Variants in B3GNT5 observed in about 807,000 individuals in gnomAD.
B3GNT5 encodes the protein lactosylceramide 1,3-N-acetyl-beta-D-glucosaminyltransferase.
A neutral mutation model predicts 25.9 loss-of-function variants in B3GNT5; 11 were observed. That is an observed-to-expected ratio of 0.42 (90% confidence interval 0.27 to 0.70). The LOEUF is 0.70. Among genes scored for constraint, B3GNT5 ranks in the 30% least tolerant of loss-of-function variants. The pLI is 0.23. For synonymous variants in B3GNT5, 166 were observed against 158.6 expected (o/e 1.05, Z -0.35); for missense variants, 385 against 458.4 (o/e 0.84, Z 1.46).
rs1015209733 is a variant in B3GNT5 at position 183,271,625 on chromosome 3, A to G, written c.*690A>G. On this transcript the variant is annotated 3_prime_UTR_variant, in exon 2 of 2. Transcript: ENST00000326505. ...TGCCCTAATACTTTATATGTTTTTA[A>G]TGGATTTTTTTTTAAGTATTAGAAA... The G allele has an allele frequency of 2.4e-5, 4 of 166,954 alleles. No homozygotes were observed. In the Admixed American group the frequency reaches 2.6e-4, roughly 11 times the overall value. 10.3% of individuals were successfully genotyped at this position (166,954 alleles called of 1,614,324 possible).
At chr3:183,255,892 T>A (rs1458397282) in intron 1 of B3GNT5, among the ~76,000 whole-genome samples, 1 of 151,928 alleles carries the variant, frequency 6.6e-6, no homozygotes, top group African/African-American at 2.4e-5. Context: ...TTGAAATGGG[T>A]CATCTTTTAA....
At chr3:183,262,998 G>A (rs760730451) in intron 1 of B3GNT5, among the ~76,000 whole-genome samples, 1 of 152,048 alleles carries the variant, frequency 6.6e-6, no homozygotes, top group Non-Finnish European at 1.5e-5. Context: ...AAACGGGGGA[G>A]GTGTGTGAGG....
rs563515635 is a variant in B3GNT5 at position 183,271,685 on chromosome 3, G to T, written c.*750G>T. On this transcript the variant is annotated 3_prime_UTR_variant, in exon 2 of 2. Coordinates refer to ENST00000326505, the MANE Select transcript of B3GNT5 (RefSeq NM_032047.5). ...AACACGGGCAGCTGGTTGCTCATAG[G>T]GTCCTTCTCTAGGGAGAAACCATTG... is the stretch of plus-strand genomic sequence containing the variant. The T allele has an allele frequency of 6.0e-6, 1 of 166,948 alleles. No individual in the cohort carries two copies. The highest frequency in any genetic ancestry group is 1.9e-4 in the East Asian group (1 of 5,186). The allele number at this position is 166,948 out of a possible 1,614,324, so 10.3% of individuals were successfully genotyped here. A position where few individuals can be genotyped will look rare whatever the true frequency, so the allele number is the denominator to read the frequency against.
At chr3:183,261,163 A>G (rs188904753) in intron 1 of B3GNT5, among the ~76,000 whole-genome samples, 74 of 152,374 alleles carry the variant, frequency 4.9e-4, no homozygotes, top group Admixed American at 5.2e-4. Context: ...TATATTTCTT[A>G]ACACCGATTA....
chr3:183,264,098 C>T (rs1725873687), intron 1 of B3GNT5, among the ~76,000 whole-genome samples: 1 of 152,172 alleles, frequency 6.6e-6, no homozygotes, highest in African/African-American at 2.4e-5. Context: ...GTTACTATAA[C>T]AAACAAAACC....
In B3GNT5 at chr3:183,272,053, T is replaced by C. The variant is rs1726825777; in HGVS notation, c.*1118T>C. On this transcript the variant is annotated 3_prime_UTR_variant, in exon 2 of 2. Transcript: ENST00000326505. ...AAACAATTTATTTTTCATCAATAAC[T>C]GTCAGAGGTGATCTTTATTTTCTAA... 1.7e-6 allele frequency: 1 copy of C among 600,308 alleles called. No individual in the cohort carries two copies. Among genetic ancestry groups the C allele is most frequent in the Non-Finnish European group, 2.2e-6 (1 of 464,810 alleles). 37.2% of individuals were successfully genotyped at this position (600,308 alleles called of 1,614,324 possible).
chr3:183,259,781 C>T (rs1274218741), intron 1 of B3GNT5, among the ~76,000 whole-genome samples: 4 of 152,118 alleles, frequency 2.6e-5, no homozygotes, highest in African/African-American at 7.2e-5. Flanking sequence ...TGAAAGACTA[C>T]ACCCAAAGGA....
chr3:183,270,018 C>A lies in B3GNT5; in HGVS notation c.220C>A (p.Gln74Lys), dbSNP rs758760729. ...GCACACCTCAGCGGGGCCTCGCTAC[C>A]AATACTTGATTAACCACAAGGAAAA... ...LKHTSAGPRY[Q>K]YLINHKEKCQ... The change falls in exon 2 of 2, where the codon CAA becomes AAA. Residue 74 changes from glutamine (Q) to lysine (K), a missense_variant. By Grantham distance (53) the Gln-to-Lys change is moderately conservative (BLOSUM62 1). Transcript: ENST00000326505. The surrounding 1 kb of genome is among the most constrained non-coding windows in gnomAD (Gnocchi z 4.5). The A allele has an allele frequency of 6.2e-7, 1 of 1,614,076 alleles. No individual in the cohort carries two copies. Among genetic ancestry groups the A allele is most frequent in the African/African-American group, 1.3e-5 (1 of 74,994 alleles).
chr3:183,268,360 A>G (rs1306552068), intron 1 of B3GNT5, among the ~76,000 whole-genome samples: 4 of 152,216 alleles, frequency 2.6e-5, no homozygotes, highest in Admixed American at 2.6e-4. Flanking sequence ...CAAGTTTTAC[A>G]AAGGTCACGC....
chr3:183,254,604 C>G (rs1368083627), intron 1 of B3GNT5: 1 of 152,096 alleles, frequency 6.6e-6, no homozygotes, highest in Non-Finnish European at 1.5e-5. Flanking sequence ...GGGACAGGCC[C>G]GTGCGCGGGA....
At chr3:183,269,274 T>C (rs1577002920) in intron 1 of B3GNT5, among the ~76,000 whole-genome samples, 1 of 142,972 alleles carries the variant, frequency 7.0e-6, no homozygotes, top group East Asian at 2.2e-4. Context: ...AAAAGGTCTC[T>C]GTACTCTGAA....
chr3:183,263,685 A>G (rs1020310156), intron 1 of B3GNT5, among the ~76,000 whole-genome samples: 2 of 151,742 alleles, frequency 1.3e-5, no homozygotes, highest in Admixed American at 6.6e-5. Context: ...TTAGATTATT[A>G]CCCCCTGGAC....
intron 1 of B3GNT5, among the ~76,000 whole-genome samples, chr3:183,261,049 T>C (rs538917298): frequency 1.3e-5 from 2 of 152,368 alleles, no homozygotes; most frequent in Non-Finnish European, 2.9e-5. Context: ...TGCAAAGATA[T>C]CTAATGTTTC....
chr3:183,256,118 T>A (rs564349587), intron 1 of B3GNT5, among the ~76,000 whole-genome samples: 14 of 152,352 alleles, frequency 9.2e-5, no homozygotes, highest in African/African-American at 3.4e-4. Context: ...AGTAAATAGA[T>A]CTCAGCTTTG....
intron 1 of B3GNT5, among the ~76,000 whole-genome samples, chr3:183,269,229 G>GTTTTTTTTTTTTTTTT (rs1305607255): frequency 1.0e-4 from 8 of 77,020 alleles, no homozygotes; most frequent in African/African-American, 6.8e-4. Context: ...CGTTTGGGAA[G>GTTTTTTTTTTTTTTTT]CTTTTTTTTT....
In B3GNT5 at chr3:183,269,537, G is replaced by A. The variant is rs1330224104; in HGVS notation, c.-262G>A. 1.3e-5 allele frequency: 5 copies of A among 389,760 alleles called. No individual in the cohort carries two copies. The Admixed American group carries it at 1.3e-4, about 10-fold the overall frequency. The allele number at this position is 389,760 out of a possible 1,614,324, so 24.1% of individuals were successfully genotyped here. ...TCACATGGGAGAGCCGCATGAGGCC[G>A]CCCACCACGCTTCCTGAAGGATGCC... On this transcript the variant is annotated 5_prime_UTR_variant, in exon 2 of 2. Coordinates refer to ENST00000326505, the MANE Select transcript of B3GNT5 (RefSeq NM_032047.5).
chr3:183,269,230 CTTTTT>C (rs60835895), intron 1 of B3GNT5, among the ~76,000 whole-genome samples: 1 of 81,030 alleles, frequency 1.2e-5, no homozygotes, highest in Non-Finnish European at 2.2e-5. Flanking sequence ...GTTTGGGAAG[CTTTTT>C]TTTTTTTTTT....
At position 183,270,193 on chromosome 3, in the gene B3GNT5, G is replaced by T; in HGVS notation, c.395G>T (p.Gly132Val). The T allele has an allele frequency of 6.2e-7, 1 of 1,614,160 alleles. No individual in the cohort carries two copies. The highest frequency in any genetic ancestry group is 8.5e-7 in the Non-Finnish European group (1 of 1,180,036). The change falls in exon 2 of 2, where the codon GGA becomes GTA. Residue 132 changes from glycine to valine, a missense_variant. Physicochemically the swap from Gly to Val is moderately radical, Grantham distance 109. Coordinates refer to ENST00000326505, the MANE Select transcript of B3GNT5 (RefSeq NM_032047.5). This position sits in a 1 kb window ranked among gnomAD's most constrained non-coding sequence, Gnocchi z 4.5. ...AACATCAAAACTCTGTTTGCCTTAG[G>T]AACTCCTAATCCACTGGAGGGAGAA... ...NANIKTLFAL[G>V]TPNPLEGEEL...
intron 1 of B3GNT5, among the ~76,000 whole-genome samples, chr3:183,263,088 T>C (rs1725772373): frequency 6.6e-6 from 1 of 151,640 alleles, no homozygotes; most frequent in South Asian, 2.1e-4. Context: ...AGCTGAGGAG[T>C]GAGTGTACTA....
Sources: allele counts gnomAD v4.1 joint callset (sites outside exome capture counted in the v4.1 genomes callset), GRCh38; gene constraint gnomAD v4.1.1; non-coding constraint Gnocchi (gnomAD v3.1); transcripts MANE v1.5; gene names NCBI Gene and HGNC (gene_info 2026-07-23, HGNC 2026-07-21).